The following ATP7B variants were observed in gnomAD, a reference collection of about 807,000 sequenced individuals.
The protein encoded by ATP7B is copper-transporting ATPase 2.
ATP7B carries 113 observed loss-of-function variants against 118.9 expected under a neutral mutation model. The ratio of observed to expected loss-of-function variants is 0.95; its 90% CI spans 0.82 to 1.11. The LOEUF is 1.11. Ranked by LOEUF, ATP7B falls within the 50% of genes most tolerant of loss-of-function variation. ATP7B has a pLI of 0.00. For missense variants in ATP7B, 1,867 were observed against 1,871.4 expected (o/e 1.00, Z 0.04); for synonymous variants, 777 against 727.4 (o/e 1.07, Z -1.10).
chr13:52,004,264 A>T (rs1953670985), intron 1 of ATP7B, among the ~76,000 whole-genome samples: 1 of 152,210 alleles, frequency 6.6e-6, no homozygotes, highest in Non-Finnish European at 1.5e-5. Flanking sequence ...TCTGTCTCAA[A>T]AAAAAAGAGA....
chr13:51,987,751 T>C (rs139865675), intron 1 of ATP7B, among the ~76,000 whole-genome samples: 8,227 of 152,026 alleles, frequency 0.054, 448 homozygotes, highest in African/African-American at 0.14. Context: ...GCCTCAGAAA[T>C]AACACCACAC....
chr13:52,005,157 C>T (rs907426853), intron 1 of ATP7B, among the ~76,000 whole-genome samples: 2 of 152,226 alleles, frequency 1.3e-5, no homozygotes, highest in Admixed American at 1.3e-4. Context: ...AAAGACCTCC[C>T]AAATCCCTTT....
chr13:51,975,376 A>G (rs200764647), intron 1 of ATP7B: 2 of 758,892 alleles, frequency 2.6e-6, no homozygotes, highest in South Asian at 2.7e-5. Flanking sequence ...ACAGAAGCTA[A>G]CTGTCTGTCC....
In ATP7B at chr13:51,937,477, C is replaced by T; in HGVS notation, c.3902G>A (p.Arg1301Lys). ...CAGCCTGGCTGCAGCCACGCTCACT[C>T]TGATAAGGACGACGTCGGCTGCCTC... ...AIEAADVVLIRNDLLDVVASI... is the reference protein window; with the variant it reads ...AIEAADVVLIKNDLLDVVASI... The change falls in exon 18 of 21, where the codon AGA becomes AAA. Residue 1301 changes from arginine (R) to lysine (K), a missense_variant and splice_region_variant. Physicochemically the swap from Arg to Lys is conservative, Grantham distance 26. Coordinates refer to ENST00000242839, the MANE Select transcript of ATP7B (RefSeq NM_000053.4). 1 of 1,614,118 alleles carries T rather than the reference C, an allele frequency of 6.2e-7. No homozygotes were observed. The highest frequency in any genetic ancestry group is 8.5e-7 in the Non-Finnish European group (1 of 1,180,022).
At chr13:51,966,692 G>A (rs2139833049) in intron 4 of ATP7B, 1 of 1,441,444 alleles carries the variant, frequency 6.9e-7, no homozygotes, top group South Asian at 1.2e-5. Flanking sequence ...ACAGCATGCT[G>A]CCATGCCGAC....
At chr13:51,946,220 G>A (rs369154285) in intron 13 of ATP7B, 64 bp downstream of exon 13, 2 of 1,532,854 alleles carry the variant, frequency 1.3e-6, no homozygotes, top group African/African-American at 1.4e-5. Context: ...TTCTCTCAAT[G>A]TGAAATAGTA....
chr13:51,996,755 T>C (rs73184329), intron 1 of ATP7B, among the ~76,000 whole-genome samples: 2 of 152,334 alleles, frequency 1.3e-5, no homozygotes, highest in South Asian at 4.1e-4. Flanking sequence ...GGCTGGTCCA[T>C]GCACCAAAGC....
chr13:51,969,314 G>A (rs763338380), intron 3 of ATP7B, among the ~76,000 whole-genome samples: 2 of 152,054 alleles, frequency 1.3e-5, no homozygotes, highest in African/African-American at 2.4e-5. Context: ...GGTCCATCCA[G>A]CTCCCAGGTG....
In ATP7B at chr13:51,996,502, T is replaced by C. The variant is rs116501932; in HGVS notation, c.51+14785A>G. On this transcript the variant is annotated intron_variant, in intron 1 of 20. Coordinates refer to ENST00000242839, the MANE Select transcript of ATP7B (RefSeq NM_000053.4). ...CCTCCTGCTGCAAGTGAGTGTGGAA[T>C]TGAATTCAGGGTAAAATGATCACTC... 6.6e-3 allele frequency among the ~76,000 whole-genome samples: 1,011 copies of C among 152,270 alleles called. 9 individuals are homozygous for C. The highest frequency in any genetic ancestry group is 0.023 in the African/African-American group (935 of 41,542).
intron 12 of ATP7B, 134 bp from the exon 13 acceptor site, chr13:51,946,612 TC>T: frequency 1.1e-6 from 1 of 922,788 alleles, no homozygotes. Flanking sequence ...CAGATGGTAT[TC>T]CACACTGCTC....
In ATP7B at chr13:51,950,031, C is replaced by T. The variant is rs1957897109; in HGVS notation, c.2706G>A (p.Leu902=). 1 of 1,614,108 alleles carries T rather than the reference C, an allele frequency of 6.2e-7. No individual in the cohort carries two copies. Among genetic ancestry groups the T allele is most frequent in the Non-Finnish European group, 8.5e-7 (1 of 1,180,048 alleles). Residue 902 remains leucine (L), a synonymous_variant, in exon 11 of 21, where the codon CTG becomes CTA. Transcript: ENST00000242839. Reference sequence around the variant, plus strand: ...CCTTTGACATCTGAGCCTCTTCCACCAGTTTCACAATCTGAGCCAAAGTGG... The same window carrying T: ...CCTTTGACATCTGAGCCTCTTCCACTAGTTTCACAATCTGAGCCAAAGTGG... ...NDTTLAQIVK[L]VEEAQMSKAP... is the part of the protein sequence containing the mutation.
At chr13:51,936,347 G>C (rs1956960099) in intron 19 of ATP7B, among the ~76,000 whole-genome samples, 1 of 151,436 alleles carries the variant, frequency 6.6e-6, no homozygotes, top group African/African-American at 2.4e-5. Flanking sequence ...ACACAAGGGA[G>C]ACTGAGGCAG....
chr13:51,961,237 A>G (rs1958720456), intron 6 of ATP7B, among the ~76,000 whole-genome samples: 1 of 151,740 alleles, frequency 6.6e-6, no homozygotes, highest in Non-Finnish European at 1.5e-5. Context: ...TCTCAGCCAG[A>G]CTATGGGCCC....
intron 4 of ATP7B, chr13:51,966,950 G>A: frequency 6.2e-7 from 1 of 1,613,486 alleles, no homozygotes; most frequent in South Asian, 1.1e-5. Flanking sequence ...TGTACCCTGG[G>A]AGATGAGTTT....
At chr13:51,937,020 T>C (rs773612504) in intron 19 of ATP7B, among the ~76,000 whole-genome samples, 16 of 151,372 alleles carry the variant, frequency 1.1e-4, no homozygotes, top group Non-Finnish European at 1.8e-4. Context: ...CACAATAAAA[T>C]AGGGATCAGA....
Position 51,975,481 on chromosome 13 carries a change from G to A in ATP7B, c.52-313C>T, listed in dbSNP as rs775425102. Reference sequence around the variant, plus strand: ...CAGCTTTACATATGGAATGCAGCACGGCTGGCCTGCAGCAGAGGCAGAGGG... The same window carrying A: ...CAGCTTTACATATGGAATGCAGCACAGCTGGCCTGCAGCAGAGGCAGAGGG... On this transcript the variant is annotated intron_variant, in intron 1 of 20. Coordinates refer to ENST00000242839, the MANE Select transcript of ATP7B (RefSeq NM_000053.4). 22 of 546,412 alleles carry A rather than the reference G, an allele frequency of 4.0e-5. 1 individual carries two copies. The highest frequency in any genetic ancestry group is 9.6e-5 in the Admixed American group (5 of 52,326). 33.8% of individuals were successfully genotyped at this position (546,412 alleles called of 1,614,324 possible).
At chr13:51,941,901 G>A (rs1957355103) in intron 15 of ATP7B, among the ~76,000 whole-genome samples, 1 of 152,120 alleles carries the variant, frequency 6.6e-6, no homozygotes, top group African/African-American at 2.4e-5. Flanking sequence ...CCTTTATTCT[G>A]GTGGCTGGCA....
chr13:51,986,334 G>A (rs1422217247), intron 1 of ATP7B, among the ~76,000 whole-genome samples: 1 of 152,092 alleles, frequency 6.6e-6, no homozygotes, highest in African/African-American at 2.4e-5. Flanking sequence ...ATAAATTCCT[G>A]GACACATACA....
intron 1 of ATP7B, among the ~76,000 whole-genome samples, chr13:51,986,452 T>G (rs1952654528): frequency 6.6e-6 from 1 of 152,028 alleles, no homozygotes; most frequent in Non-Finnish European, 1.5e-5. Context: ...AAGTCTAGGA[T>G]CAGGTGGATA....
Sources: gnomAD v4.1 joint callset for allele counts (sites outside exome capture counted in the v4.1 genomes callset) on GRCh38, gnomAD v4.1.1 for gene constraint, MANE v1.5 for transcripts, NCBI Gene and HGNC (gene_info 2026-07-23, HGNC 2026-07-21) for gene names.